SDK1: variants seen among roughly 807,000 people sequenced by gnomAD.
SDK1 encodes the protein sidekick cell adhesion molecule 1, also known as protein sidekick-1.
In SDK1, 157 loss-of-function variants were observed where a neutral mutation model predicts 245.5. That is an observed-to-expected ratio of 0.64 (90% CI 0.56 to 0.73). The LOEUF is 0.73. SDK1 is among the 30% of genes least tolerant of loss of function. The pLI, the probability that SDK1 is intolerant of heterozygous loss-of-function variation, is 0.00. For synonymous variants in SDK1, 1,647 were observed against 1,278.5 expected, an observed-to-expected ratio of 1.29 and a Z score of -6.15; for missense variants, 3,583 against 3,002.3, an observed-to-expected ratio of 1.19 and a Z score of -4.52.
At chr7:3,813,316 G>A (rs1242782045) in intron 4 of SDK1, among the ~76,000 whole-genome samples, 2 of 141,386 alleles carry the variant, frequency 1.4e-5, no homozygotes, top group African/African-American at 5.3e-5. Flanking sequence ...CTGTGTCCAT[G>A]TGTTCTCATT....
chr7:3,357,326 G>GTTTTTTTTTTTTTTTT (rs1780826215), intron 1 of SDK1, among the ~76,000 whole-genome samples: 1 of 50,102 alleles, frequency 2.0e-5, no homozygotes. Context: ...CCTTCTTTTA[G>GTTTTTTTTTTTTTTTT]TGTTTTTTTT....
intron 14 of SDK1, among the ~76,000 whole-genome samples, chr7:4,002,241 G>A (rs1220065029): frequency 1.6e-4 from 1 of 6,392 alleles, no homozygotes; most frequent in Non-Finnish European, 2.5e-4. Flanking sequence ...CTCTGAGTCT[G>A]GGCTCCAGCC....
At chr7:3,676,028 C>G (rs890402180) in intron 4 of SDK1, among the ~76,000 whole-genome samples, 2 of 152,076 alleles carry the variant, frequency 1.3e-5, no homozygotes, top group African/African-American at 2.4e-5. Flanking sequence ...TTTTGTGGCA[C>G]TATCACGGCT....
chr7:3,870,637 G>A (rs1171829768), intron 5 of SDK1, among the ~76,000 whole-genome samples: 4 of 152,104 alleles, frequency 2.6e-5, no homozygotes, highest in Non-Finnish European at 5.9e-5. Context: ...AGTTAGCACA[G>A]AAGGTTCCCA....
intron 1 of SDK1, among the ~76,000 whole-genome samples, chr7:3,471,630 A>G (rs574790133): frequency 1.2e-4 from 18 of 152,334 alleles, no homozygotes; most frequent in East Asian, 1.9e-4. Flanking sequence ...AAGTAAGTCA[A>G]GAGTAAGAAG....
chr7:3,761,260 C>CTTTTTTTTTTTTTTTTTTTTTTTCTTT (rs71029692), intron 4 of SDK1, among the ~76,000 whole-genome samples: 1 of 93,762 alleles, frequency 1.1e-5, no homozygotes, highest in Non-Finnish European at 2.0e-5. Flanking sequence ...GCCCCCCCTC[C>CTTTTTTTTTTTTTTTTTTTTTTTCTTT]TTTTTTTTTT....
At chr7:3,758,158 C>T (rs1779989883) in intron 4 of SDK1, among the ~76,000 whole-genome samples, 1 of 152,174 alleles carries the variant, frequency 6.6e-6, no homozygotes, top group Non-Finnish European at 1.5e-5. Context: ...GTTAAAACCG[C>T]CACTGTACTT....
intron 4 of SDK1, among the ~76,000 whole-genome samples, chr7:3,669,175 T>C (rs1783621615): frequency 2.0e-5 from 3 of 152,198 alleles, no homozygotes; most frequent in Non-Finnish European, 4.4e-5. Flanking sequence ...AAATGAATGT[T>C]GAATATTTTG....
At chr7:4,204,717 A>G (rs1270505082) in intron 35 of SDK1, among the ~76,000 whole-genome samples, 1 of 152,148 alleles carries the variant, frequency 6.6e-6, no homozygotes, top group Non-Finnish European at 1.5e-5. Flanking sequence ...GGCGGAGAGG[A>G]GTGCTCGGCT....
At chr7:3,673,644 A>G (rs978839900) in intron 4 of SDK1, among the ~76,000 whole-genome samples, 1 of 152,116 alleles carries the variant, frequency 6.6e-6, no homozygotes, top group East Asian at 1.9e-4. Context: ...CTGCTTTGCT[A>G]ATGCATTAGG....
intron 20 of SDK1, among the ~76,000 whole-genome samples, chr7:4,073,755 G>T (rs1244613373): frequency 6.6e-6 from 1 of 152,086 alleles, no homozygotes; most frequent in East Asian, 1.9e-4. Flanking sequence ...TTGAGAGCAG[G>T]GTCTCGTGCA....
In SDK1 at chr7:3,744,680, C is replaced by T. The variant is rs973881789; in HGVS notation, c.714-76770C>T. ...CAAAAAAATTAGCCAGGCGTGGTGG[C>T]GGGTGCCTGTAGTCTCAGCTACTCG... On this transcript the variant is annotated intron_variant, in intron 4 of 44. Coordinates refer to ENST00000404826, the MANE Select transcript of SDK1 (RefSeq NM_152744.4). Among the ~76,000 whole-genome samples the T allele has an allele frequency of 1.8e-4, 28 of 151,944 alleles. 2 individuals carry two copies. The highest frequency in any genetic ancestry group is 5.6e-4 in the African/African-American group (23 of 41,440).
intron 32 of SDK1, among the ~76,000 whole-genome samples, chr7:4,167,504 G>A (rs1189291992): frequency 2.0e-5 from 3 of 152,234 alleles, no homozygotes; most frequent in African/African-American, 7.2e-5. Flanking sequence ...CAGGCACAGG[G>A]AAGGTGTTTT....
chr7:3,876,183 C>T (rs374876561), intron 5 of SDK1, among the ~76,000 whole-genome samples: 2 of 152,198 alleles, frequency 1.3e-5, no homozygotes, highest in Non-Finnish European at 2.9e-5. Flanking sequence ...GAAGTCCTCA[C>T]GCTTGACTTG....
chr7:3,617,620 G>T (rs1218664101), intron 1 of SDK1, among the ~76,000 whole-genome samples: 1 of 152,308 alleles, frequency 6.6e-6, no homozygotes, highest in South Asian at 2.1e-4. Context: ...TTCATCTGGG[G>T]AGGCCCTTTG....
At position 4,268,353 on chromosome 7, in the gene SDK1, A is replaced by T. The variant is rs898837567; in HGVS notation, c.*2969A>T. On this transcript the variant is annotated 3_prime_UTR_variant, in exon 45 of 45. Coordinates refer to ENST00000404826, the MANE Select transcript of SDK1 (RefSeq NM_152744.4). The stretch of plus-strand genomic sequence containing the variant: ...AGCCCAGAGAGAGCTGCCAGGCCAC[A>T]CCCCCTCGGCCTCCTGCACGGCCAC... The T allele has an allele frequency of 4.3e-5, 45 of 1,049,026 alleles. No homozygotes were observed. The highest frequency in any genetic ancestry group is 5.2e-5 in the Non-Finnish European group (45 of 866,546). 65.0% of individuals were successfully genotyped at this position (1,049,026 alleles called of 1,614,324 possible). A position where few individuals can be genotyped will look rare whatever the true frequency, so the allele number is the denominator to read the frequency against.
At chr7:3,460,535 TGTCA>T (rs1780802164) in intron 1 of SDK1, among the ~76,000 whole-genome samples, 1 of 152,240 alleles carries the variant, frequency 6.6e-6, no homozygotes, top group South Asian at 2.1e-4. Flanking sequence ...ATAATTTATA[TGTCA>T]GTGTGTCATA....
In SDK1 at chr7:4,221,373, G is replaced by C. The variant is rs1304021767; in HGVS notation, c.5827+9G>C. 2 of 1,599,858 alleles carry C rather than the reference G, an allele frequency of 1.3e-6. No individual in the cohort carries two copies. Among genetic ancestry groups the C allele is most frequent in the South Asian group, 2.2e-5 (2 of 89,032 alleles). ...CGAGGCCCGGCCCTCAGGTAGGGTG[G>C]CAGGCCCCACAAACGGGGTCTCAGC... On this transcript the variant is annotated intron_variant, in intron 40 of 44. Transcript: ENST00000404826.
chr7:3,766,097 C>A (rs1006515270), intron 4 of SDK1, among the ~76,000 whole-genome samples: 15 of 152,100 alleles, frequency 9.9e-5, no homozygotes, highest in African/African-American at 3.1e-4. Flanking sequence ...GGCCGGTTGA[C>A]CAAAATTTTT....
Sources: allele counts gnomAD v4.1 joint callset (sites outside exome capture counted in the v4.1 genomes callset), GRCh38; gene constraint gnomAD v4.1.1; transcripts MANE v1.5; gene names NCBI Gene and HGNC (gene_info 2026-07-23, HGNC 2026-07-21).